CUX2: variants seen among roughly 807,000 people sequenced by gnomAD.
CUX2 encodes homeobox protein cut-like 2.
CUX2 carries 40 observed loss-of-function variants against 144.8 expected under a neutral mutation model. That is an observed-to-expected ratio of 0.28 (90% CI 0.21 to 0.36). CUX2 has a LOEUF of 0.36. Ranked by LOEUF, CUX2 falls within the 10% of genes least tolerant of loss-of-function variation. The probability of loss-of-function intolerance (pLI) is 1.00; values close to 1 mark genes in which losing one functional copy is unlikely to be tolerated. For missense variants in CUX2, 1,615 were observed against 1,994.0 expected (o/e 0.81, Z 3.62); for synonymous variants, 827 against 875.6 (o/e 0.94, Z 0.98).
At chr12:111,197,477 G>A (rs1470737216) in intron 1 of CUX2, among the ~76,000 whole-genome samples, 1 of 152,220 alleles carries the variant, frequency 6.6e-6, no homozygotes, top group African/African-American at 2.4e-5. Flanking sequence ...GCACAGAGGG[G>A]ATGCTCCTTA....
Position 111,320,626 on chromosome 12 carries a change from C to T in CUX2, c.2617C>T (p.Pro873Ser). The stretch of plus-strand genomic sequence containing the variant: ...GCTGCCCTACTACCCGGCCTACGTG[C>T]CGCGCACCCTGAAGCCCACCGTGCC... ...ARLPYYPAYV[P>S]RTLKPTVPPL... Residue 873 changes from proline to serine, a missense_variant, in exon 17 of 22, where the codon CCG (proline) becomes TCG (serine). By Grantham distance (74) the Pro-to-Ser change is moderately conservative. Transcript: ENST00000261726. This position sits in a 1 kb window ranked among gnomAD's most constrained non-coding sequence, Gnocchi z 8.1. 1 of 1,589,808 alleles carries T rather than the reference C, an allele frequency of 6.3e-7. No homozygotes were observed. The highest frequency in any genetic ancestry group is 2.3e-5 in the East Asian group (1 of 44,074).
intron 1 of CUX2, among the ~76,000 whole-genome samples, chr12:111,100,585 G>A (rs569523507): frequency 1.3e-4 from 20 of 152,302 alleles, no homozygotes; most frequent in African/African-American, 4.3e-4. Flanking sequence ...GTATGCATGC[G>A]TGTGTGTAAG....
chr12:111,192,670 A>T (rs1879970368), intron 1 of CUX2, among the ~76,000 whole-genome samples: 1 of 152,202 alleles, frequency 6.6e-6, no homozygotes. Flanking sequence ...GGACCCAAAA[A>T]GTCCTGGTTA....
In CUX2 at chr12:111,178,403, C is replaced by A. The variant is rs916683; in HGVS notation, c.64-35797C>A. ...CTGGCAGGAATATAATTTGCTGTCA[C>A]GTTGACAAGTCCAGCCCTCTGACTG... On this transcript the variant is annotated intron_variant, in intron 1 of 21. Coordinates refer to ENST00000261726, the MANE Select transcript of CUX2 (RefSeq NM_015267.4). The surrounding 1 kb of genome is among the most constrained non-coding windows in gnomAD (Gnocchi z 5.7). Among the ~76,000 whole-genome samples, 3 of 152,016 alleles carry A rather than the reference C, an allele frequency of 2.0e-5. No individual in the cohort carries two copies. Among genetic ancestry groups the A allele is most frequent in the African/African-American group, 7.3e-5 (3 of 41,360 alleles).
At chr12:111,262,473 G>A (rs1459962196) in intron 3 of CUX2, among the ~76,000 whole-genome samples, 1 of 151,420 alleles carries the variant, frequency 6.6e-6, no homozygotes, top group Admixed American at 6.6e-5. Context: ...CGAAATCCTG[G>A]CCTCAAACAA....
At chr12:111,272,214 A>G (rs1032922176) in intron 4 of CUX2, among the ~76,000 whole-genome samples, 1 of 152,176 alleles carries the variant, frequency 6.6e-6, no homozygotes, top group African/African-American at 2.4e-5. Flanking sequence ...AACTCGTTTC[A>G]GTGCCATCTA....
intron 2 of CUX2, among the ~76,000 whole-genome samples, chr12:111,216,448 G>A (rs1368056540): frequency 6.6e-6 from 1 of 152,186 alleles, no homozygotes; most frequent in Non-Finnish European, 1.5e-5. Flanking sequence ...ACTTTACGGT[G>A]GGTTGCCAAT....
At chr12:111,084,737 G>T (rs1486406245) in intron 1 of CUX2, among the ~76,000 whole-genome samples, 1 of 152,228 alleles carries the variant, frequency 6.6e-6, no homozygotes, top group Non-Finnish European at 1.5e-5. Context: ...AATGGTATGA[G>T]AGTGGCTGTG....
intron 1 of CUX2, among the ~76,000 whole-genome samples, chr12:111,152,844 T>C (rs1416419590): frequency 1.3e-5 from 2 of 152,100 alleles, no homozygotes; most frequent in African/African-American, 4.8e-5. Context: ...GACAAGCCGC[T>C]CTAGATGGGG....
chr12:111,104,478 G>A (rs1873466775), intron 1 of CUX2, among the ~76,000 whole-genome samples: 1 of 152,218 alleles, frequency 6.6e-6, no homozygotes, highest in Non-Finnish European at 1.5e-5. Context: ...TGGCCAGGTG[G>A]GGAGCTGGGA....
intron 1 of CUX2, among the ~76,000 whole-genome samples, chr12:111,041,542 A>G (rs558475224): frequency 2.0e-5 from 3 of 152,376 alleles, no homozygotes; most frequent in African/African-American, 7.2e-5. Flanking sequence ...GTCTGTCTAG[A>G]TTAGTGAGAT....
chr12:111,203,760 G>A (rs897982871), intron 1 of CUX2, among the ~76,000 whole-genome samples: 3 of 152,150 alleles, frequency 2.0e-5, no homozygotes, highest in African/African-American at 7.2e-5. Context: ...AGTGGGGAAG[G>A]GGCTGTAGGA....
intron 1 of CUX2, among the ~76,000 whole-genome samples, chr12:111,101,390 G>T (rs1259659058): frequency 6.6e-6 from 1 of 152,152 alleles, no homozygotes; most frequent in African/African-American, 2.4e-5. Flanking sequence ...GCTTCTCCAG[G>T]CTAGAAAATC....
chr12:111,052,282 C>A (rs113659710), intron 1 of CUX2, among the ~76,000 whole-genome samples: 6,020 of 152,240 alleles, frequency 0.04, 411 homozygotes, highest in African/African-American at 0.14. Flanking sequence ...ACAGCACTTA[C>A]CATAGCAGGT....
At chr12:111,306,840 TG>T in intron 10 of CUX2, 80 bp from the exon 11 acceptor site, 1 of 1,195,982 alleles carries the variant, frequency 8.4e-7, no homozygotes. Context: ...GCATTCTGCT[TG>T]GGATTCAGGG....
chr12:111,247,428 C>T (rs1400547783), intron 3 of CUX2, among the ~76,000 whole-genome samples: 1 of 152,226 alleles, frequency 6.6e-6, no homozygotes, highest in African/African-American at 2.4e-5. Flanking sequence ...CTTTTAGCTC[C>T]GCTCTTCTGA....
chr12:111,081,441 A>T (rs954353562), intron 1 of CUX2, among the ~76,000 whole-genome samples: 1 of 152,152 alleles, frequency 6.6e-6, no homozygotes, highest in Non-Finnish European at 1.5e-5. Context: ...TCTGTAAATT[A>T]AGAAAGCAGA....
chr12:111,283,641 G>C (rs1476900153), intron 4 of CUX2, among the ~76,000 whole-genome samples: 1 of 152,198 alleles, frequency 6.6e-6, no homozygotes, highest in Non-Finnish European at 1.5e-5. Flanking sequence ...CCCTGGTGAT[G>C]TTACAGCCAG....
intron 1 of CUX2, among the ~76,000 whole-genome samples, chr12:111,121,604 C>T (rs1026265883): frequency 6.6e-6 from 1 of 151,786 alleles, no homozygotes; most frequent in Admixed American, 6.6e-5. Flanking sequence ...TCAAGGGATC[C>T]GCCCATCTCT....
Sources: gnomAD v4.1 joint callset for allele counts (sites outside exome capture counted in the v4.1 genomes callset) on GRCh38, gnomAD v4.1.1 for gene constraint, Gnocchi (gnomAD v3.1) non-coding constraint, MANE v1.5 for transcripts, NCBI Gene and HGNC (gene_info 2026-07-23, HGNC 2026-07-21) for gene names.